GSN: variants seen among roughly 807,000 people sequenced by gnomAD.
GSN encodes gelsolin, also known as actin-depolymerizing factor.
Under a neutral mutation model 85.7 loss-of-function variants are expected in GSN, and 56 were observed. The observed-to-expected ratio is 0.65, with a 90% confidence interval of 0.53 to 0.82. GSN has a LOEUF of 0.82. GSN is among the 40% of genes least tolerant of loss of function. The probability of loss-of-function intolerance (pLI) is 0.00; values close to 1 mark genes in which losing one functional copy is unlikely to be tolerated. For missense variants in GSN, 857 were observed against 979.8 expected, an observed-to-expected ratio of 0.87 and a Z score of 1.67; for synonymous variants, 373 against 399.1, an observed-to-expected ratio of 0.93 and a Z score of 0.78.
chr9:121,223,098 T>C (rs1190951140), intron 4 of GSN: 2 of 152,254 alleles, frequency 1.3e-5, no homozygotes, highest in East Asian at 1.9e-4. Context: ...AGGAGGGACA[T>C]ATAGCCGTTA....
chr9:121,314,983 C>T (rs1367990128), intron 7 of GSN, among the ~76,000 whole-genome samples: 1 of 152,170 alleles, frequency 6.6e-6, no homozygotes, highest in Non-Finnish European at 1.5e-5. Context: ...GCCTCAGCCT[C>T]CTAAGTGGCT....
At chr9:121,319,796 G>T (rs1031657478) in intron 10 of GSN, among the ~76,000 whole-genome samples, 1 of 152,182 alleles carries the variant, frequency 6.6e-6, no homozygotes, top group African/African-American at 2.4e-5. Context: ...TTCTAATACT[G>T]TAGGGGAAAG....
At chr9:121,226,055 C>T (rs553563988) in intron 4 of GSN, among the ~76,000 whole-genome samples, 1 of 152,336 alleles carries the variant, frequency 6.6e-6, no homozygotes, top group South Asian at 2.1e-4. Flanking sequence ...CCCCCCACCT[C>T]GGTCTCCCAA....
intron 4 of GSN, among the ~76,000 whole-genome samples, chr9:121,228,631 C>G (rs1237098364): frequency 6.6e-6 from 1 of 151,408 alleles, no homozygotes; most frequent in African/African-American, 2.4e-5. Context: ...CACCATTTTG[C>G]CCAGGCTGGT....
Position 121,324,479 on chromosome 9 carries a change from T to C in GSN, c.1326-75T>C, listed in dbSNP as rs2062900235. Reference sequence around the variant, plus strand: ...ACTGGTAACAGGGAGATGTGTAGGTTTCTCAGACTCAGGGCAAGGGAGAGG... The same window carrying C: ...ACTGGTAACAGGGAGATGTGTAGGTCTCTCAGACTCAGGGCAAGGGAGAGG... On this transcript the variant is annotated intron_variant, in intron 11 of 17. Transcript: ENST00000432226. 3.9e-6 allele frequency: 3 copies of C among 764,808 alleles called. No homozygotes were observed. The South Asian group carries it at 4.4e-5, about 11-fold the overall frequency. 47.4% of individuals were successfully genotyped at this position (764,808 alleles called of 1,614,324 possible). A position where few individuals can be genotyped will look rare whatever the true frequency, so the allele number is the denominator to read the frequency against.
chr9:121,315,177 A>G (rs2061572777), intron 7 of GSN, among the ~76,000 whole-genome samples: 1 of 152,116 alleles, frequency 6.6e-6, no homozygotes, highest in Non-Finnish European at 1.5e-5. Context: ...ATTTTGTGTA[A>G]CTGGATCCAA....
At position 121,299,973 on chromosome 9, in the gene GSN, G is replaced by T. The variant is rs1210058398; in HGVS notation, c.-9-1990G>T. ...TGCGTCGCGGGGGGCGTCCCAGGCG[G>T]GGGCGCCCCAGGGGCGGGTGCCCGA... On this transcript the variant is annotated intron_variant, in intron 2 of 17. Coordinates refer to ENST00000432226, the MANE Select transcript of GSN (RefSeq NM_198252.3). The surrounding 1 kb of genome is among the most constrained non-coding windows in gnomAD (Gnocchi z 4.2). The T allele has an allele frequency of 1.5e-6, 2 of 1,335,934 alleles. No individual in the cohort carries two copies. Among genetic ancestry groups the T allele is most frequent in the Non-Finnish European group, 1.9e-6 (2 of 1,040,282 alleles). 82.8% of individuals were successfully genotyped at this position (1,335,934 alleles called of 1,614,324 possible).
At chr9:121,211,835 G>T (rs1160856097) in intron 4 of GSN, among the ~76,000 whole-genome samples, 2 of 152,062 alleles carry the variant, frequency 1.3e-5, no homozygotes, top group Non-Finnish European at 2.9e-5. Flanking sequence ...AAAACCCATA[G>T]CAAAAAAATA....
chr9:121,303,805 G>A (rs1447481387), intron 4 of GSN, among the ~76,000 whole-genome samples: 1 of 152,144 alleles, frequency 6.6e-6, no homozygotes, highest in African/African-American at 2.4e-5. Flanking sequence ...AAACACTGTA[G>A]TTTTACAAAG....
chr9:121,282,702 G>C, intron 2 of GSN: 1 of 418,868 alleles, frequency 2.4e-6, no homozygotes, highest in African/African-American at 2.0e-5. Context: ...TGCCCTAATA[G>C]GAGGACTTGA....
chr9:121,255,138 C>T (rs940205876), intron 6 of GSN, among the ~76,000 whole-genome samples: 1 of 152,138 alleles, frequency 6.6e-6, no homozygotes, highest in Non-Finnish European at 1.5e-5. Context: ...TTAGTAGAGA[C>T]AGGGTTTCAC....
intron 6 of GSN, among the ~76,000 whole-genome samples, chr9:121,260,722 A>G (rs145292726): frequency 6.6e-6 from 1 of 152,356 alleles, no homozygotes; most frequent in Non-Finnish European, 1.5e-5. Context: ...TAGAGGAGAC[A>G]CGGGGTGGAA....
intron 4 of GSN, chr9:121,308,449 G>GCGGGAGGATCACATGAGGC (rs2060669991): frequency 6.6e-6 from 1 of 152,238 alleles, no homozygotes; most frequent in Non-Finnish European, 1.5e-5. Context: ...GGAGGCCAAG[G>GCGGGAGGATCACATGAGGC]CGGGAGGATC....
At position 121,252,073 on chromosome 9, in the gene GSN, TA is replaced by T. The variant is rs969794001; in HGVS notation, c.-341+3760del. On this transcript the variant is annotated intron_variant, in intron 6 of 24. Coordinates refer to the GSN transcript ENST00000373823. ...AGTGCCCACTATGTACCAGGCACTG[TA>T]AAAAAAAAATGCCAGGAAGTCAGTC... Among the ~76,000 whole-genome samples the T allele has an allele frequency of 8.1e-4, 121 of 149,322 alleles. 1 individual carries two copies. Among genetic ancestry groups the T allele is most frequent in the East Asian group, 2.1e-3 (11 of 5,132 alleles).
chr9:121,229,748 C>G (rs1328642572), intron 4 of GSN, among the ~76,000 whole-genome samples: 1 of 152,104 alleles, frequency 6.6e-6, no homozygotes, highest in Non-Finnish European at 1.5e-5. Flanking sequence ...GTAAAGTTAC[C>G]TATTTATCTT....
intron 5 of GSN, chr9:121,239,818 C>T: frequency 4.1e-6 from 1 of 243,782 alleles, no homozygotes; most frequent in Non-Finnish European, 8.4e-6. Context: ...TGCCTTGGAG[C>T]CACCAACTTC....
intron 2 of GSN, among the ~76,000 whole-genome samples, chr9:121,295,564 TG>T (rs2059131301): frequency 6.6e-6 from 1 of 152,062 alleles, no homozygotes; most frequent in African/African-American, 2.4e-5. Flanking sequence ...TGGCTGGGGA[TG>T]GAAGGGGCGG....
the GSN span, among the ~76,000 whole-genome samples, chr9:121,202,404 G>A: frequency 2.0e-5 from 3 of 152,172 alleles, no homozygotes; most frequent in Non-Finnish European, 2.9e-5. Flanking sequence ...TTGTATCCAT[G>A]GAGAAACTGA....
chr9:121,283,988 G>C (rs190150422), intron 2 of GSN: 85 of 167,202 alleles, frequency 5.1e-4, no homozygotes, highest in Non-Finnish European at 1.0e-3. Context: ...GAGCCCCCTA[G>C]GCAGAGAGGC....
Sources: allele counts gnomAD v4.1 joint callset (sites outside exome capture counted in the v4.1 genomes callset), GRCh38; gene constraint gnomAD v4.1.1; non-coding constraint Gnocchi (gnomAD v3.1); transcripts MANE v1.5; gene names NCBI Gene and HGNC (gene_info 2026-07-23, HGNC 2026-07-21).